The following PCBP3 variants were observed in gnomAD, a reference collection of about 807,000 sequenced individuals.
PCBP3 encodes poly(rC)-binding protein 3.
A neutral mutation model predicts 52.7 loss-of-function variants in PCBP3; 25 were observed. The observed-to-expected ratio is 0.47, with a 90% CI of 0.35 to 0.66. PCBP3 has a LOEUF of 0.66. Ranked by LOEUF, PCBP3 falls within the 30% of genes least tolerant of loss-of-function variation. The probability of loss-of-function intolerance (pLI) is 0.01; values close to 1 mark genes in which losing one functional copy is unlikely to be tolerated. For missense variants in PCBP3, 391 were observed against 490.3 expected, an observed-to-expected ratio of 0.80 and a Z score of 1.91; for synonymous variants, 162 against 183.0, an observed-to-expected ratio of 0.89 and a Z score of 0.93.
intron 9 of PCBP3, among the ~76,000 whole-genome samples, chr21:45,902,473 G>T (rs1450032659): frequency 6.6e-6 from 1 of 152,238 alleles, no homozygotes; most frequent in Non-Finnish European, 1.5e-5. Flanking sequence ...GGATGGTTTA[G>T]TTGCCTTTTT....
intron 5 of PCBP3, among the ~76,000 whole-genome samples, chr21:45,850,662 C>T (rs938403122): frequency 6.6e-6 from 1 of 152,116 alleles, no homozygotes; most frequent in Non-Finnish European, 1.5e-5. Flanking sequence ...AAAAAATAAA[C>T]GGGAGTATTA....
At chr21:45,678,397 G>A (rs1379741745) in intron 2 of PCBP3, among the ~76,000 whole-genome samples, 3 of 152,030 alleles carry the variant, frequency 2.0e-5, no homozygotes, top group Admixed American at 1.3e-4. Context: ...ATGGATCTGG[G>A]CAAAGTAAAT....
At chr21:45,776,932 T>C (rs1183940317) in intron 4 of PCBP3, among the ~76,000 whole-genome samples, 2 of 152,220 alleles carry the variant, frequency 1.3e-5, no homozygotes, top group Non-Finnish European at 2.9e-5. Flanking sequence ...TCTTTTTCTC[T>C]TATTAATTTG....
At chr21:45,717,973 G>A (rs1219101521) in intron 2 of PCBP3, among the ~76,000 whole-genome samples, 2 of 152,164 alleles carry the variant, frequency 1.3e-5, no homozygotes, top group Non-Finnish European at 2.9e-5. Context: ...ACTTTTCCTT[G>A]TGGAAAGTTT....
chr21:45,675,371 C>A (rs1005029771), intron 2 of PCBP3, among the ~76,000 whole-genome samples: 2 of 152,138 alleles, frequency 1.3e-5, no homozygotes, highest in African/African-American at 4.8e-5. Context: ...AGGCAGGTAC[C>A]ACCTAGGGAA....
intron 17 of PCBP3, 123 bp downstream of exon 17, chr21:45,940,322 C>G: frequency 1.3e-6 from 1 of 775,666 alleles, no homozygotes; most frequent in Non-Finnish European, 2.0e-6. Context: ...GCCTCCCCTT[C>G]TGTCCCCTCT....
intron 4 of PCBP3, among the ~76,000 whole-genome samples, chr21:45,833,142 TC>T (rs2093494190): frequency 6.6e-6 from 1 of 151,986 alleles, no homozygotes; most frequent in Non-Finnish European, 1.5e-5. Context: ...GGCACCCCCA[TC>T]CAGCAGACGG....
At chr21:45,798,125 T>C (rs921099901) in intron 4 of PCBP3, among the ~76,000 whole-genome samples, 14 of 142,292 alleles carry the variant, frequency 9.8e-5, no homozygotes, top group African/African-American at 3.7e-4. Flanking sequence ...GACAGATGCA[T>C]GTATCCATAG....
chr21:45,710,100 G>A (rs2083729068), intron 2 of PCBP3, among the ~76,000 whole-genome samples: 1 of 152,176 alleles, frequency 6.6e-6, no homozygotes, highest in South Asian at 2.1e-4. Context: ...TGATCACCTG[G>A]CTGAGGTGTG....
chr21:45,784,354 C>T (rs1414808181), intron 4 of PCBP3, among the ~76,000 whole-genome samples: 1 of 144,428 alleles, frequency 6.9e-6, no homozygotes, highest in Admixed American at 6.9e-5. Context: ...CTACCTCTAC[C>T]TCTACCTCTA....
chr21:45,738,869 C>T lies in PCBP3; in HGVS notation c.-162+3440C>T, dbSNP rs184265527. Among the ~76,000 whole-genome samples, 212 of 134,926 alleles carry T rather than the reference C, an allele frequency of 1.6e-3. 1 individual carries two copies. Among genetic ancestry groups the T allele is most frequent in the Middle Eastern group, 8.8e-3 (2 of 228 alleles). The allele number at this position is 134,926 out of a possible 152,430, so 88.5% of individuals were successfully genotyped here. ...TTCCTGTCCACGGTCCTCTGGGTAGCCCCCCTATCTTCATCAGCCCACCCC... is the reference window on the plus strand; with the variant it reads ...TTCCTGTCCACGGTCCTCTGGGTAGTCCCCCTATCTTCATCAGCCCACCCC... On this transcript the variant is annotated intron_variant, in intron 3 of 17. Coordinates refer to ENST00000681687, the MANE Select transcript of PCBP3 (RefSeq NM_001384156.1).
chr21:45,737,938 A>G lies in PCBP3; in HGVS notation c.-162+2509A>G, dbSNP rs1482493743. The stretch of plus-strand genomic sequence containing the variant: ...AGTTTTGGAAGCACTTGGTTTTTCC[A>G]TTCCCATGTCTTGGAGGACTCTTCC... On this transcript the variant is annotated intron_variant, in intron 3 of 17. Coordinates refer to ENST00000681687, the MANE Select transcript of PCBP3 (RefSeq NM_001384156.1). This position sits in a 1 kb window ranked among gnomAD's most constrained non-coding sequence, Gnocchi z 4.9. Among the ~76,000 whole-genome samples the G allele has an allele frequency of 6.6e-6, 1 of 152,182 alleles. No individual in the cohort carries two copies. The highest frequency in any genetic ancestry group is 6.5e-5 in the Admixed American group (1 of 15,284).
intron 1 of PCBP3, among the ~76,000 whole-genome samples, chr21:45,660,608 G>T (rs1038743655): frequency 3.3e-5 from 5 of 152,002 alleles, no homozygotes; most frequent in African/African-American, 1.2e-4. Flanking sequence ...TTTCTTAGGG[G>T]TTACTTGGGG....
chr21:45,801,927 T>G (rs971187569), intron 4 of PCBP3, among the ~76,000 whole-genome samples: 2 of 152,228 alleles, frequency 1.3e-5, no homozygotes, highest in African/African-American at 4.8e-5. Flanking sequence ...TAATCATGTT[T>G]GTGATCTCAT....
chr21:45,708,541 T>G (rs2083606630), intron 2 of PCBP3, among the ~76,000 whole-genome samples: 1 of 152,092 alleles, frequency 6.6e-6, no homozygotes, highest in Non-Finnish European at 1.5e-5. Context: ...GGAAACAAAG[T>G]GAAAGGGATC....
intron 4 of PCBP3, among the ~76,000 whole-genome samples, chr21:45,819,850 C>T (rs1176368747): frequency 2.0e-5 from 3 of 152,234 alleles, no homozygotes; most frequent in East Asian, 1.9e-4. Flanking sequence ...GGCCAAGCTC[C>T]GTCTGTCATG....
intron 2 of PCBP3, among the ~76,000 whole-genome samples, chr21:45,675,513 G>A (rs1008804686): frequency 2.0e-5 from 3 of 152,226 alleles, no homozygotes; most frequent in Non-Finnish European, 1.5e-5. Context: ...ACTGAGGGCA[G>A]TAATAGCTGA....
chr21:45,740,145 C>T (rs1228427980), intron 3 of PCBP3, among the ~76,000 whole-genome samples: 1 of 152,212 alleles, frequency 6.6e-6, no homozygotes, highest in African/African-American at 2.4e-5. Context: ...TTCTCTGCCC[C>T]ATCCTCCGAC....
At chr21:45,877,137 G>C (rs138831678) in intron 5 of PCBP3, among the ~76,000 whole-genome samples, 3 of 152,190 alleles carry the variant, frequency 2.0e-5, no homozygotes, top group Non-Finnish European at 4.4e-5. Flanking sequence ...TCTTCCTTTC[G>C]GGTCTGACGG....
Sources: allele counts gnomAD v4.1 joint callset (sites outside exome capture counted in the v4.1 genomes callset), GRCh38; gene constraint gnomAD v4.1.1; non-coding constraint Gnocchi (gnomAD v3.1); transcripts MANE v1.5; gene names NCBI Gene and HGNC (gene_info 2026-07-23, HGNC 2026-07-21).